USP25: variants seen among roughly 807,000 people sequenced by gnomAD.
USP25 encodes ubiquitin carboxyl-terminal hydrolase 25.
USP25 carries 85 observed loss-of-function variants against 158.5 expected under a neutral mutation model. The ratio of observed to expected loss-of-function variants is 0.54; its 90% confidence interval spans 0.45 to 0.64. USP25 has a LOEUF of 0.64. Ranked by LOEUF, USP25 falls within the 30% of genes least tolerant of loss-of-function variation. The pLI is 0.00. For missense variants in USP25, 1,242 were observed against 1,327.3 expected (o/e 0.94, Z 1.00); for synonymous variants, 464 against 460.4 (o/e 1.01, Z -0.10).
chr21:15,858,081 A>G (rs1397324326), intron 20 of USP25, among the ~76,000 whole-genome samples: 1 of 152,122 alleles, frequency 6.6e-6, no homozygotes, highest in East Asian at 1.9e-4. Flanking sequence ...ACTGAATACC[A>G]GTGATCTTAT....
rs1340341344 is a variant in USP25 at position 15,837,393 on chromosome 21, C to G, written c.2194+3845C>G. Among the ~76,000 whole-genome samples, 5 of 151,870 alleles carry G rather than the reference C, an allele frequency of 3.3e-5. No homozygotes were observed. The East Asian group carries it at 7.8e-4, about 24-fold the overall frequency. ...TACTGTTGTTGAGATTTTCAGCCAG[C>G]CATCCTTTGCTGTCAGTGTGGGGAT... On this transcript the variant is annotated intron_variant, in intron 17 of 25. Transcript: ENST00000400183.
At position 15,877,639 on chromosome 21, in the gene USP25, C is replaced by T. The variant is rs1260028338; in HGVS notation, c.3010-157C>T. 1.3e-5 allele frequency: 7 copies of T among 528,810 alleles called. No homozygotes were observed. The South Asian group carries it at 1.8e-4, about 14-fold the overall frequency. 32.8% of individuals were successfully genotyped at this position (528,810 alleles called of 1,614,324 possible). A position where few individuals can be genotyped will look rare whatever the true frequency, so the allele number is the denominator to read the frequency against. The stretch of plus-strand genomic sequence containing the variant: ...ATAGCTTTTTCTAAAGAGAGATTTT[C>T]AGTTCTAGATAGGTTGAGATTGTTT... On this transcript the variant is annotated intron_variant, in intron 24 of 25. Coordinates refer to ENST00000400183, the MANE Select transcript of USP25 (RefSeq NM_001283041.3).
chr21:15,732,618 A>G (rs1226753115), intron 1 of USP25, among the ~76,000 whole-genome samples: 1 of 152,206 alleles, frequency 6.6e-6, no homozygotes, highest in African/African-American at 2.4e-5. Flanking sequence ...TTTTCTTCTC[A>G]CCTTAAAAAA....
chr21:15,847,789 G>A lies in USP25; in HGVS notation c.2451+13G>A, dbSNP rs746406881. On this transcript the variant is annotated intron_variant, in intron 19 of 25. Transcript: ENST00000400183. ...GTATGATGACGAGGTACCTTTTACA[G>A]CCCTCTGCACCATTGCTACTTAACT... The A allele has an allele frequency of 1.7e-5, 25 of 1,501,076 alleles. No homozygotes were observed. In the African/African-American group the frequency reaches 3.1e-4, roughly 18 times the overall value. 93.0% of individuals were successfully genotyped at this position (1,501,076 alleles called of 1,614,324 possible).
At chr21:15,777,376 T>C (rs1258524501) in intron 3 of USP25, among the ~76,000 whole-genome samples, 2 of 151,882 alleles carry the variant, frequency 1.3e-5, no homozygotes, top group Non-Finnish European at 2.9e-5. Flanking sequence ...TGTTAATAGT[T>C]TGGCACATTC....
chr21:15,851,785 T>C (rs530275322), intron 20 of USP25, among the ~76,000 whole-genome samples: 1 of 152,162 alleles, frequency 6.6e-6, no homozygotes, highest in East Asian at 1.9e-4. Context: ...GGACATCTAT[T>C]CTGGAGCTTT....
At chr21:15,871,990 CAA>C (rs35733221) in intron 23 of USP25, among the ~76,000 whole-genome samples, 2 of 65,220 alleles carry the variant, frequency 3.1e-5, no homozygotes, top group Admixed American at 1.9e-4. Context: ...GACACTGTCT[CAA>C]AAAAAAAAAG....
chr21:15,808,593 T>A (rs549553589), intron 7 of USP25, among the ~76,000 whole-genome samples: 1 of 151,820 alleles, frequency 6.6e-6, no homozygotes, highest in South Asian at 2.1e-4. Context: ...TGAAACCCAA[T>A]AATTGATTAT....
At position 15,760,950 on chromosome 21, in the gene USP25, A is replaced by G. The variant is rs560378795; in HGVS notation, c.46-1941A>G. Among the ~76,000 whole-genome samples the G allele has an allele frequency of 7.3e-4, 111 of 152,330 alleles. 2 individuals carry two copies. The highest frequency in any genetic ancestry group is 3.4e-3 in the Middle Eastern group (1 of 294). On this transcript the variant is annotated intron_variant, in intron 1 of 25. Coordinates refer to ENST00000400183, the MANE Select transcript of USP25 (RefSeq NM_001283041.3). ...TTTATATTTCTCCGGTTGTCTCAAT[A>G]TCCTGCATAACATTTGGTATGGGAT...
intron 14 of USP25, among the ~76,000 whole-genome samples, chr21:15,829,350 C>G (rs994341763): frequency 6.6e-6 from 1 of 152,054 alleles, no homozygotes; most frequent in African/African-American, 2.4e-5. Context: ...TCTGTTGTTT[C>G]CTTATGTCCA....
rs1214087734 is a variant in USP25 at position 15,842,513 on chromosome 21, T to C, written c.2310T>C (p.Asp770=). The change falls in exon 18 of 26, where the codon GAT becomes GAC. Residue 770 remains aspartate (D), a synonymous_variant. Coordinates refer to ENST00000400183, the MANE Select transcript of USP25 (RefSeq NM_001283041.3). ...CCAAGGCATCACATGAGCATGAAGA[T>C]AAAAGTCCTGAAACAGTTTTGCAGT... The part of the protein sequence containing the change: ...IITKASHEHE[D]KSPETVLQSK... The C allele has an allele frequency of 6.2e-7, 1 of 1,613,668 alleles. No homozygotes were observed. Among genetic ancestry groups the C allele is most frequent in the African/African-American group, 1.3e-5 (1 of 75,022 alleles).
intron 5 of USP25, among the ~76,000 whole-genome samples, chr21:15,796,268 G>A (rs1057218919): frequency 6.6e-6 from 1 of 151,448 alleles, no homozygotes; most frequent in East Asian, 1.9e-4. Context: ...ATGATTTGTT[G>A]TGATAATCAA....
Position 15,778,006 on chromosome 21 carries a change from A to T in USP25, c.371A>T (p.Asp124Val), listed in dbSNP as rs753307922. The T allele has an allele frequency of 6.2e-7, 1 of 1,609,060 alleles. No homozygotes were observed. The highest frequency in any genetic ancestry group is 1.1e-5 in the South Asian group (1 of 89,956). ...GCATTCAGGGAGACTGGAATAACTGATGAGGAACAAGCCATTAGCAGGTAA... is the reference window on the plus strand; with the variant it reads ...GCATTCAGGGAGACTGGAATAACTGTTGAGGAACAAGCCATTAGCAGGTAA... Reference protein sequence around the residue: ...NRAFRETGITDEEQAISRVLE... With the variant: ...NRAFRETGITVEEQAISRVLE... Residue 124 changes from aspartate (D) to valine (V), a missense_variant, in exon 4 of 26, where the codon GAT becomes GTT. Coordinates refer to ENST00000400183, the MANE Select transcript of USP25 (RefSeq NM_001283041.3).
chr21:15,813,440 G>C (rs1370544018), intron 9 of USP25, among the ~76,000 whole-genome samples: 1 of 152,224 alleles, frequency 6.6e-6, no homozygotes, highest in East Asian at 1.9e-4. Flanking sequence ...ATGAGCCTCA[G>C]GCTCCATAAC....
At chr21:15,874,617 C>T (rs1001531650) in intron 24 of USP25, 91 bp downstream of exon 24, 1 of 1,293,084 alleles carries the variant, frequency 7.7e-7, no homozygotes, top group African/African-American at 1.5e-5. Flanking sequence ...ACTCCATAAA[C>T]TCTGAGGGGA....
At chr21:15,859,971 A>G (rs189913389) in intron 20 of USP25, among the ~76,000 whole-genome samples, 1,856 of 142,796 alleles carry the variant, frequency 0.013, 57 homozygotes, top group East Asian at 0.13. Flanking sequence ...ATATATATGT[A>G]TATATATATA....
rs537180353 is a variant in USP25 at position 15,755,637 on chromosome 21, A to G, written c.46-7254A>G. On this transcript the variant is annotated intron_variant, in intron 1 of 25. Coordinates refer to ENST00000400183, the MANE Select transcript of USP25 (RefSeq NM_001283041.3). ...GGGTGTGTGGGTATGTCTGTATTAA[A>G]TGAGAGTATATATTGGAAACATTGG... Among the ~76,000 whole-genome samples the G allele has an allele frequency of 8.5e-5, 13 of 152,290 alleles. No homozygotes were observed. In the South Asian group the frequency reaches 2.5e-3, roughly 29 times the overall value.
At position 15,817,621 on chromosome 21, in the gene USP25, A is replaced by G. The variant is rs1004278158; in HGVS notation, c.932-1077A>G. ...ACATGGCTGGGGAGGCCTAACAATC[A>G]TGGGCTGGGGAGGCCTAACATGGCA... On this transcript the variant is annotated intron_variant, in intron 9 of 25. Coordinates refer to ENST00000400183, the MANE Select transcript of USP25 (RefSeq NM_001283041.3). Among the ~76,000 whole-genome samples, 36 of 152,134 alleles carry G rather than the reference A, an allele frequency of 2.4e-4. 1 individual carries two copies. The highest frequency in any genetic ancestry group is 3.4e-3 in the Middle Eastern group (1 of 294).
At chr21:15,809,397 G>A (rs551712653) in intron 8 of USP25, among the ~76,000 whole-genome samples, 1 of 152,196 alleles carries the variant, frequency 6.6e-6, no homozygotes, top group Admixed American at 6.5e-5. Context: ...AGAGCTATGT[G>A]GCCTAACTTC....
Sources: gnomAD v4.1 joint callset for allele counts (sites outside exome capture counted in the v4.1 genomes callset) on GRCh38, gnomAD v4.1.1 for gene constraint, MANE v1.5 for transcripts, NCBI Gene and HGNC (gene_info 2026-07-23, HGNC 2026-07-21) for gene names.